TRIM37: variants seen among roughly 807,000 people sequenced by gnomAD.
TRIM37 encodes the protein tripartite motif containing 37.
Under a neutral mutation model 129.8 loss-of-function variants are expected in TRIM37, and 80 were observed. The observed-to-expected ratio is 0.62, with a 90% CI of 0.51 to 0.74. The LOEUF (loss-of-function observed/expected upper bound fraction) is 0.74, where lower values mean the gene tolerates loss of function less well. TRIM37 is among the 30% of genes least tolerant of loss of function. The pLI is 0.00. For missense variants in TRIM37, 1,054 were observed against 1,176.5 expected, an observed-to-expected ratio of 0.90 and a Z score of 1.52; for synonymous variants, 389 against 387.1, an observed-to-expected ratio of 1.00 and a Z score of -0.06.
chr17:59,055,703 A>AAAAAAAAAAAAAT, intron 13 of TRIM37, among the ~76,000 whole-genome samples: 1 of 151,374 alleles, frequency 6.6e-6, no homozygotes, highest in Non-Finnish European at 1.5e-5. Flanking sequence ...AAAAAAAAAA[A>AAAAAAAAAAAAAT]AAAAAAGCTA....
chr17:58,996,447 C>T (rs985981121), downstream of TRIM37, among the ~76,000 whole-genome samples: 1 of 149,830 alleles, frequency 6.7e-6, no homozygotes, highest in Admixed American at 6.7e-5. Flanking sequence ...TCCAGCCTGG[C>T]CGACAGAGTG....
At chr17:59,104,189 G>T in intron 2 of TRIM37, 104 bp downstream of exon 2, 1 of 1,089,894 alleles carries the variant, frequency 9.2e-7, no homozygotes, top group Non-Finnish European at 1.4e-6. Flanking sequence ...GTGCAAGCAA[G>T]CACTTTAGGG....
Position 59,012,528 on chromosome 17 carries a change from CTAAG to C in TRIM37, c.2577-86_2577-83del, listed in dbSNP as rs1039979423. On this transcript the variant is annotated intron_variant, in intron 21 of 23. Transcript: ENST00000262294. ...TTTTCTTTTTGAACTGAGCACCAAA[CTAAG>C]TAGGGTACGTGCTCTGGTGCTTAAT... The C allele has an allele frequency of 7.4e-6, 7 of 951,342 alleles. No homozygotes were observed. In the African/African-American group the frequency reaches 9.6e-5, roughly 13 times the overall value. 58.9% of individuals were successfully genotyped at this position (951,342 alleles called of 1,614,324 possible).
intron 15 of TRIM37, 81 bp from the exon 16 acceptor site, chr17:59,047,900 G>T: frequency 6.5e-7 from 1 of 1,530,332 alleles, no homozygotes. Context: ...CATAAACCAA[G>T]CACCAAAGAA....
chr17:59,045,613 C>T (rs1273403037), intron 16 of TRIM37, among the ~76,000 whole-genome samples: 2 of 142,604 alleles, frequency 1.4e-5, no homozygotes, highest in African/African-American at 2.6e-5. Flanking sequence ...CACTTAAGCC[C>T]GGGTGACAGT....
intron 16 of TRIM37, among the ~76,000 whole-genome samples, chr17:59,042,606 T>C (rs1568067445): frequency 6.6e-6 from 1 of 150,596 alleles, no homozygotes; most frequent in Non-Finnish European, 1.5e-5. Flanking sequence ...CTCCTAAAAA[T>C]ACAAAAATTA....
chr17:59,059,678 G>A (rs2041301220), intron 12 of TRIM37, among the ~76,000 whole-genome samples: 1 of 152,174 alleles, frequency 6.6e-6, no homozygotes, highest in Admixed American at 6.5e-5. Context: ...TACTCTGTTG[G>A]ATGTTAGATA....
intron 1 of TRIM37, among the ~76,000 whole-genome samples, chr17:59,105,425 G>A (rs190558821): frequency 2.0e-5 from 3 of 152,146 alleles, no homozygotes; most frequent in Admixed American, 2.0e-4. Context: ...ACAAGAAACA[G>A]TATTATGTTT....
intron 15 of TRIM37, among the ~76,000 whole-genome samples, 170 bp downstream of exon 15, chr17:59,049,008 C>G (rs2040087363): frequency 6.6e-6 from 1 of 152,080 alleles, no homozygotes; most frequent in African/African-American, 2.4e-5. Flanking sequence ...TGCTTTGATT[C>G]AACAACTTCT....
rs190108493 is a variant in TRIM37, at chr17:59,030,352, C to G, written c.1948+1544G>C. Among the ~76,000 whole-genome samples the G allele has an allele frequency of 6.4e-4, 97 of 152,336 alleles. 1 individual carries two copies. Among genetic ancestry groups the G allele is most frequent in the African/African-American group, 2.3e-3 (96 of 41,572 alleles). ...GAACTCCTGACCTCAGGTGATCCAC[C>G]CGCCTCAGCCTCCCCAAGTGTTGAG... On this transcript the variant is annotated intron_variant, in intron 18 of 23. Coordinates refer to ENST00000262294, the MANE Select transcript of TRIM37 (RefSeq NM_015294.6).
At chr17:58,980,549 G>A, downstream of TRIM37, 1 of 1,614,196 alleles carries the variant, frequency 6.2e-7, no homozygotes, top group Non-Finnish European at 8.5e-7. The surrounding 1 kb of genome is among the most constrained non-coding windows in gnomAD (Gnocchi z 4.7). Flanking sequence ...TGGTCCTGGT[G>A]CACCAAAGAA....
intron 17 of TRIM37, among the ~76,000 whole-genome samples, chr17:59,035,491 C>T (rs912663855): frequency 3.3e-5 from 5 of 151,954 alleles, no homozygotes; most frequent in East Asian, 1.9e-4. Context: ...CGGTGGTTCA[C>T]GCCTGTAATC....
At chr17:58,979,834 A>T, downstream of TRIM37, 1 of 682,822 alleles carries the variant, frequency 1.5e-6, no homozygotes, top group Non-Finnish European at 2.4e-6. Flanking sequence ...TTTGTCAAAA[A>T]CTATTTTATA....
rs747123407 is a variant in TRIM37 at position 59,051,207 on chromosome 17, T to C, written c.1314+7A>G. ...AAACACCAAAACAGAAATAGATATT[T>C]TCTTACCTCTTTAAGGTTGTTTATT... On this transcript the variant is annotated splice_region_variant and intron_variant, in intron 14 of 23. Coordinates refer to ENST00000262294, the MANE Select transcript of TRIM37 (RefSeq NM_015294.6). 1 of 1,565,548 alleles carries C rather than the reference T, an allele frequency of 6.4e-7. No homozygotes were observed. The highest frequency in any genetic ancestry group is 8.8e-7 in the Non-Finnish European group (1 of 1,136,156).
the TRIM37 span, chr17:58,972,069 C>T: frequency 6.8e-7 from 1 of 1,481,412 alleles, no homozygotes; most frequent in South Asian, 1.3e-5. Context: ...TAAATTGCTT[C>T]TCAATAAGAA....
intron 17 of TRIM37, among the ~76,000 whole-genome samples, chr17:59,040,230 A>C (rs1319936137): frequency 6.6e-6 from 1 of 152,106 alleles, no homozygotes; most frequent in Non-Finnish European, 1.5e-5. Context: ...TTAGATATTA[A>C]TCAGAAAGAA....
intron 16 of TRIM37, among the ~76,000 whole-genome samples, chr17:59,042,461 T>C (rs1165232028): frequency 1.7e-5 from 2 of 118,806 alleles, no homozygotes; most frequent in African/African-American, 6.6e-5. Context: ...TATATATATA[T>C]ATATATATAT....
intron 14 of TRIM37, 141 bp downstream of exon 14, chr17:59,051,073 G>A: frequency 1.6e-6 from 1 of 633,050 alleles, no homozygotes; most frequent in Non-Finnish European, 2.8e-6. Flanking sequence ...GGTAAGGATG[G>A]GGAACAAGAT....
Position 59,081,235 on chromosome 17 carries a change from T to A in TRIM37, c.370-16A>T, listed in dbSNP as rs780376867. 6.2e-7 allele frequency: 1 copy of A among 1,610,862 alleles called. No homozygotes were observed. The highest frequency in any genetic ancestry group is 1.1e-5 in the South Asian group (1 of 91,050). The stretch of plus-strand genomic sequence containing the variant: ...GTCCGCCATGCTATTTAAATTAGAG[T>A]AGCTTTAGAACACTTTCACATATCT... On this transcript the variant is annotated splice_polypyrimidine_tract_variant and intron_variant, in intron 5 of 23. Coordinates refer to ENST00000262294, the MANE Select transcript of TRIM37 (RefSeq NM_015294.6).
Sources: gnomAD v4.1 joint callset for allele counts (sites outside exome capture counted in the v4.1 genomes callset) on GRCh38, gnomAD v4.1.1 for gene constraint, Gnocchi (gnomAD v3.1) non-coding constraint, MANE v1.5 for transcripts, NCBI Gene and HGNC (gene_info 2026-07-23, HGNC 2026-07-21) for gene names.